PCDH9: variants seen among roughly 807,000 people sequenced by gnomAD.
PCDH9 encodes the protein protocadherin-9.
PCDH9 carries 24 observed loss-of-function variants against 70.6 expected under a neutral mutation model. That is an observed-to-expected ratio of 0.34 (90% confidence interval 0.25 to 0.48). The LOEUF (loss-of-function observed/expected upper bound fraction) is 0.48. Ranked by LOEUF, PCDH9 falls within the 20% of genes least tolerant of loss-of-function variation. PCDH9 has a pLI of 0.99. For synonymous variants in PCDH9, 562 were observed against 558.5 expected, an observed-to-expected ratio of 1.01 and a Z score of -0.09; for missense variants, 1,281 against 1,503.6, an observed-to-expected ratio of 0.85 and a Z score of 2.45.
chr13:66,357,037 T>C (rs541892090), intron 4 of PCDH9, among the ~76,000 whole-genome samples: 1 of 152,116 alleles, frequency 6.6e-6, no homozygotes, highest in South Asian at 2.1e-4. Context: ...GAAAGATTAG[T>C]AAGTTACATT....
chr13:66,361,121 C>A (rs1956464245), intron 4 of PCDH9, among the ~76,000 whole-genome samples: 1 of 152,192 alleles, frequency 6.6e-6, no homozygotes, highest in Non-Finnish European at 1.5e-5. Context: ...TGACTATAGA[C>A]AAAAGCACCA....
chr13:66,777,046 A>G (rs2079907512), intron 3 of PCDH9, among the ~76,000 whole-genome samples: 5 of 151,426 alleles, frequency 3.3e-5, no homozygotes, highest in Middle Eastern at 3.4e-3. Flanking sequence ...TCCCCATTTA[A>G]TAAATGGTGC....
chr13:66,879,768 G>A (rs1294932200), intron 3 of PCDH9, among the ~76,000 whole-genome samples: 3 of 151,958 alleles, frequency 2.0e-5, no homozygotes, highest in Non-Finnish European at 4.4e-5. Context: ...GCATTTGTAA[G>A]ACAACACAAC....
chr13:66,977,834 G>A (rs1297412239), intron 2 of PCDH9, among the ~76,000 whole-genome samples: 1 of 152,088 alleles, frequency 6.6e-6, no homozygotes. Context: ...GATCTCCTCA[G>A]TGGAAATGCT....
Position 66,565,100 on chromosome 13 carries a change from T to G in PCDH9, c.3340+66110A>C, listed in dbSNP as rs116753251. 3.8e-3 allele frequency among the ~76,000 whole-genome samples: 584 copies of G among 152,342 alleles called. 6 individuals are homozygous for G. Among genetic ancestry groups the G allele is most frequent in the African/African-American group, 0.013 (561 of 41,592 alleles). ...TCAGTGCTAAGTTGCTAAATCATTT[T>G]CGTGTCTTAAATTTCTGTGTCTTCA... On this transcript the variant is annotated intron_variant, in intron 4 of 4. Transcript: ENST00000377865.
At chr13:66,532,970 T>TG (rs1001333012) in intron 4 of PCDH9, among the ~76,000 whole-genome samples, 34 of 152,160 alleles carry the variant, frequency 2.2e-4, no homozygotes, top group Non-Finnish European at 2.9e-5. Flanking sequence ...TATGCATGAC[T>TG]GAAACTATCT....
Position 67,225,757 on chromosome 13 carries a change from G to A in PCDH9, c.2684C>T (p.Ala895Val). The A allele has an allele frequency of 6.2e-7, 1 of 1,613,960 alleles. No homozygotes were observed. Among genetic ancestry groups the A allele is most frequent in the Non-Finnish European group, 8.5e-7 (1 of 1,179,828 alleles). The change falls in exon 2 of 5, where the codon GCA becomes GTA. Residue 895 changes from alanine to valine, a missense_variant. Ala to Val is a moderately conservative substitution (Grantham distance 64, BLOSUM62 0). Around this residue, in one of 4 missense-constraint regions of PCDH9, gnomAD observed 207 missense variants for 191.8 expected, o/e 1.08. Transcript: ENST00000377865. ...VTIEESKPDD[A>V]VHEPINGTIS... Reference sequence around the variant, plus strand: ...TGTCCCATTGATAGGTTCATGAACTGCATCATCGGGTTTGGACTCTTCGAT... The same window carrying A: ...TGTCCCATTGATAGGTTCATGAACTACATCATCGGGTTTGGACTCTTCGAT...
intron 3 of PCDH9, among the ~76,000 whole-genome samples, chr13:66,886,927 C>T (rs1053226371): frequency 6.6e-6 from 1 of 151,754 alleles, no homozygotes; most frequent in African/African-American, 2.4e-5. Flanking sequence ...GTTTTTTTAA[C>T]ACAGCCTTGA....
chr13:66,883,898 ATTTT>A (rs539703609), intron 3 of PCDH9, among the ~76,000 whole-genome samples: 1 of 108,172 alleles, frequency 9.2e-6, no homozygotes, highest in Admixed American at 9.5e-5. Context: ...TTGAGCGTTC[ATTTT>A]TTTTTTTTTT....
intron 3 of PCDH9, among the ~76,000 whole-genome samples, chr13:66,679,456 G>A (rs1007119151): frequency 1.3e-5 from 2 of 151,824 alleles, no homozygotes; most frequent in African/African-American, 4.8e-5. Flanking sequence ...CAAAGTACTG[G>A]ATCCAATAGC....
At chr13:66,762,195 CA>C (rs1162093452) in intron 3 of PCDH9, among the ~76,000 whole-genome samples, 1 of 151,978 alleles carries the variant, frequency 6.6e-6, no homozygotes, top group East Asian at 1.9e-4. Context: ...TTCACATTGC[CA>C]GGGTATATCT....
At chr13:66,489,991 T>C (rs1438760289) in intron 4 of PCDH9, among the ~76,000 whole-genome samples, 2 of 152,152 alleles carry the variant, frequency 1.3e-5, no homozygotes, top group African/African-American at 2.4e-5. Flanking sequence ...TACTTCTTTT[T>C]CTATTGTACT....
chr13:67,089,693 A>G (rs568384873), intron 2 of PCDH9, among the ~76,000 whole-genome samples: 73 of 152,022 alleles, frequency 4.8e-4, no homozygotes, highest in Non-Finnish European at 9.4e-4. Flanking sequence ...CAAGGGAAAC[A>G]ATGTTTTAAA....
chr13:66,682,189 C>G (rs1301875761), intron 3 of PCDH9, among the ~76,000 whole-genome samples: 1 of 151,930 alleles, frequency 6.6e-6, no homozygotes, highest in Non-Finnish European at 1.5e-5. Flanking sequence ...CATCCCTGCT[C>G]TATGAAATTT....
chr13:67,093,794 GT>G (rs2138218888), intron 2 of PCDH9, among the ~76,000 whole-genome samples: 1 of 152,258 alleles, frequency 6.6e-6, no homozygotes, highest in Admixed American at 6.5e-5. Flanking sequence ...TACAGGAATG[GT>G]GGTGCAACCT....
rs537311277 is a variant in PCDH9, at chr13:66,769,832, C to T, written c.3138+133672G>A. Reference sequence around the variant, plus strand: ...ATATTTTTACAGTTGTGGGATCTGACGTGAAGACAAAAGGTTGAAAGTTCT... The same window carrying T: ...ATATTTTTACAGTTGTGGGATCTGATGTGAAGACAAAAGGTTGAAAGTTCT... On this transcript the variant is annotated intron_variant, in intron 3 of 4. Coordinates refer to ENST00000377865, the MANE Select transcript of PCDH9 (RefSeq NM_203487.3). Among the ~76,000 whole-genome samples, 4 of 152,048 alleles carry T rather than the reference C, an allele frequency of 2.6e-5. No individual in the cohort carries two copies. In the South Asian group the frequency reaches 8.3e-4, roughly 32 times the overall value.
chr13:66,320,270 T>TAA (rs1955730331), intron 4 of PCDH9, among the ~76,000 whole-genome samples: 2 of 152,082 alleles, frequency 1.3e-5, no homozygotes, highest in Non-Finnish European at 2.9e-5. Context: ...TTTCATGCTG[T>TAA]AAAGTATGTT....
intron 4 of PCDH9, among the ~76,000 whole-genome samples, chr13:66,579,302 T>C (rs1308144851): frequency 4.6e-5 from 7 of 152,108 alleles, no homozygotes; most frequent in Non-Finnish European, 1.0e-4. Flanking sequence ...TAAAATCTAC[T>C]ACATAAAATG....
chr13:67,055,123 T>A (rs949669387), intron 2 of PCDH9, among the ~76,000 whole-genome samples: 2 of 152,218 alleles, frequency 1.3e-5, no homozygotes, highest in African/African-American at 4.8e-5. Context: ...TCACTGAACT[T>A]TTTTCATTCT....
Sources: gnomAD v4.1 joint callset for allele counts (sites outside exome capture counted in the v4.1 genomes callset) on GRCh38, gnomAD v4.1.1 for gene constraint, gnomAD v4.1.1 regional missense constraint, MANE v1.5 for transcripts, NCBI Gene and HGNC (gene_info 2026-07-23, HGNC 2026-07-21) for gene names.